The following IRS1 variants were observed in gnomAD, a reference collection of about 807,000 sequenced individuals.
IRS1 encodes the protein insulin receptor substrate 1.
IRS1 carries 34 observed loss-of-function variants against 65.6 expected under a neutral mutation model. The ratio of observed to expected loss-of-function variants is 0.52; its 90% confidence interval spans 0.39 to 0.69. The LOEUF (loss-of-function observed/expected upper bound fraction) is 0.69. IRS1 is among the 30% of genes least tolerant of loss of function. The pLI, the probability that IRS1 is intolerant of heterozygous loss-of-function variation, is 0.00. For missense variants in IRS1, 1,641 were observed against 1,720.2 expected, an observed-to-expected ratio of 0.95 and a Z score of 0.81; for synonymous variants, 699 against 683.5, an observed-to-expected ratio of 1.02 and a Z score of -0.35.
At chr2:226,781,499 G>A (rs892724346) in intron 1 of IRS1, among the ~76,000 whole-genome samples, 4 of 152,252 alleles carry the variant, frequency 2.6e-5, no homozygotes, top group South Asian at 2.1e-4. Context: ...GAATTAGATC[G>A]AATTGGGTGG....
rs574309924 is a variant in IRS1 at position 226,745,024 on chromosome 2, G to GGCA, written c.*22-8777_*22-8775dup. On this transcript the variant is annotated intron_variant, in intron 1 of 1. Transcript: ENST00000305123. Reference sequence around the variant, plus strand: ...GAAACTGATTATAATACAAGTATATGGCAGCATATTTCAAATGTATTTGAC... The same window carrying GGCA: ...GAAACTGATTATAATACAAGTATATGGCAGCAGCATATTTCAAATGTATTTGAC... Among the ~76,000 whole-genome samples the GGCA allele has an allele frequency of 4.6e-5, 7 of 152,126 alleles. No individual in the cohort carries two copies. In the South Asian group the frequency reaches 1.5e-3, roughly 32 times the overall value.
At chr2:226,750,165 C>T (rs1938645703) in intron 1 of IRS1, among the ~76,000 whole-genome samples, 1 of 150,100 alleles carries the variant, frequency 6.7e-6, no homozygotes, top group African/African-American at 2.5e-5. Flanking sequence ...AGGAGAATCA[C>T]TTGAACCCAG....
chr2:226,791,176 C>T (rs1001208230), intron 1 of IRS1, among the ~76,000 whole-genome samples: 18 of 152,152 alleles, frequency 1.2e-4, no homozygotes, highest in Non-Finnish European at 5.9e-5. Context: ...CCCCTCCCCC[C>T]ATGACCCAAA....
At chr2:226,744,094 C>T (rs963341696) in intron 1 of IRS1, among the ~76,000 whole-genome samples, 6 of 152,134 alleles carry the variant, frequency 3.9e-5, no homozygotes, top group African/African-American at 1.4e-4. Context: ...AATCAGGCAC[C>T]AAACAAGCAT....
intron 1 of IRS1, among the ~76,000 whole-genome samples, chr2:226,742,530 A>G (rs141964417): frequency 7.1e-4 from 108 of 152,296 alleles, no homozygotes; most frequent in African/African-American, 2.5e-3. Context: ...AGGGCTGGTG[A>G]AAATAACAAG....
intron 1 of IRS1, among the ~76,000 whole-genome samples, chr2:226,740,363 A>G (rs1465980355): frequency 6.6e-6 from 1 of 152,218 alleles, no homozygotes; most frequent in East Asian, 1.9e-4. Context: ...AAGCATTATC[A>G]AATAAGTCAA....
At chr2:226,753,999 C>T (rs755670508) in intron 1 of IRS1, among the ~76,000 whole-genome samples, 1 of 152,072 alleles carries the variant, frequency 6.6e-6, no homozygotes, top group Non-Finnish European at 1.5e-5. Context: ...ACTACAAGCA[C>T]ATGCCACCAT....
intron 1 of IRS1, among the ~76,000 whole-genome samples, chr2:226,786,763 G>A (rs1939495675): frequency 6.9e-6 from 1 of 143,978 alleles, no homozygotes. Flanking sequence ...GACCCAGCAA[G>A]CTATTATAAA....
In IRS1 at chr2:226,791,131, A is replaced by T. The variant is rs149652228; in HGVS notation, c.*21+3858T>A. Among the ~76,000 whole-genome samples the T allele has an allele frequency of 1.6e-3, 245 of 152,248 alleles. 1 individual carries two copies. The highest frequency in any genetic ancestry group is 5.7e-3 in the African/African-American group (236 of 41,558). On this transcript the variant is annotated intron_variant, in intron 1 of 1. Coordinates refer to ENST00000305123, the MANE Select transcript of IRS1 (RefSeq NM_005544.3). ...GCTCTGGTGCTTTGCAGTAAAGTGT[A>T]TGGAGCCTAGGGCACTTTCAAGCCA...
In IRS1 at chr2:226,797,973, C is replaced by T. The variant is rs1315411808; in HGVS notation, c.766G>A (p.Ala256Thr). The change falls in exon 1 of 2, where the codon GCC becomes ACC. Residue 256 changes from alanine (A) to threonine (T), a missense_variant. Physicochemically the swap from Ala to Thr is moderately conservative, Grantham distance 58. This residue lies in a region of IRS1 where 77 missense variants were observed against 129.6 expected (regional missense o/e 0.59). Coordinates refer to ENST00000305123, the MANE Select transcript of IRS1 (RefSeq NM_005544.3). The surrounding 1 kb of genome is among the most constrained non-coding windows in gnomAD (Gnocchi z 8.1). The stretch of plus-strand genomic sequence containing the variant: ...AACTCATCACTCATGGCCCGCATGG[C>T]CTCCAGGATGGTCTCGTGCATGTTC... ...AQNMHETILE[A>T]MRAMSDEFRP... The T allele has an allele frequency of 1.2e-6, 2 of 1,614,102 alleles. No homozygotes were observed. Among genetic ancestry groups the T allele is most frequent in the Non-Finnish European group, 8.5e-7 (1 of 1,180,018 alleles).
intron 1 of IRS1, among the ~76,000 whole-genome samples, chr2:226,776,284 TCC>T (rs1397921147): frequency 6.6e-6 from 1 of 151,532 alleles, no homozygotes; most frequent in Non-Finnish European, 1.5e-5. Flanking sequence ...CAGCCATGAG[TCC>T]ATACTAATAT....
chr2:226,733,124 G>C lies in IRS1; in HGVS notation c.*3148C>G, dbSNP rs572864828. 6.6e-6 allele frequency: 1 copy of C among 152,190 alleles called. No homozygotes were observed. The highest frequency in any genetic ancestry group is 2.4e-5 in the African/African-American group (1 of 41,536). The allele number at this position is 152,190 out of a possible 1,614,324, so 9.4% of individuals were successfully genotyped here. A position where few individuals can be genotyped will look rare whatever the true frequency, so the allele number is the denominator to read the frequency against. The stretch of plus-strand genomic sequence containing the variant: ...AAAGTTTCCGACTTTGTGGTATATT[G>C]TATTCAAGATGCAAGATTGAATAAA... On this transcript the variant is annotated 3_prime_UTR_variant, in exon 2 of 2. Transcript: ENST00000305123.
Position 226,795,414 on chromosome 2 carries a change from TGG to T in IRS1, c.3323_3324del (p.Pro1108GlnfsTer23). On this transcript the variant is annotated frameshift_variant, in exon 1 of 2. Coordinates refer to ENST00000305123, the MANE Select transcript of IRS1 (RefSeq NM_005544.3). LOFTEE classifies it high-confidence loss of function. ...ACTGTGTTGCCCACCCGGGTGGCACTGGGTGTTGAGGAGAAAGTCTCGGAGCT... is the reference window on the plus strand; with the variant it reads ...ACTGTGTTGCCCACCCGGGTGGCACTGTGTTGAGGAGAAAGTCTCGGAGCT... ...RHSSETFSST[P>X]SATRVGNTVP... 1 of 1,613,490 alleles carries T rather than the reference TGG, an allele frequency of 6.2e-7. No individual in the cohort carries two copies. Among genetic ancestry groups the T allele is most frequent in the Non-Finnish European group, 8.5e-7 (1 of 1,180,006 alleles).
chr2:226,788,627 G>C (rs907594414), intron 1 of IRS1, among the ~76,000 whole-genome samples: 2 of 152,148 alleles, frequency 1.3e-5, no homozygotes, highest in Non-Finnish European at 2.9e-5. Flanking sequence ...AAGAATGGGA[G>C]AGGTACTACC....
chr2:226,798,878 G>GC lies in IRS1; in HGVS notation c.-141dup. ...AAACCCCGACTCTGAAATCCACGCC[G>GC]CCCCCCGCGCCGGGGAGGGGCAGCT... is the stretch of plus-strand genomic sequence containing the variant. On this transcript the variant is annotated 5_prime_UTR_variant, in exon 1 of 2. Transcript: ENST00000305123. This position sits in a 1 kb window ranked among gnomAD's most constrained non-coding sequence, Gnocchi z 9.4. 1.3e-6 allele frequency: 2 copies of GC among 1,519,902 alleles called. No individual in the cohort carries two copies. Among genetic ancestry groups the GC allele is most frequent in the Non-Finnish European group, 1.8e-6 (2 of 1,130,752 alleles). 94.2% of individuals were successfully genotyped at this position (1,519,902 alleles called of 1,614,324 possible). A position where few individuals can be genotyped will look rare whatever the true frequency, so the allele number is the denominator to read the frequency against.
intron 1 of IRS1, among the ~76,000 whole-genome samples, chr2:226,781,561 A>G (rs1939382273): frequency 6.6e-6 from 1 of 152,152 alleles, no homozygotes; most frequent in South Asian, 2.1e-4. Context: ...CCATGAGCCC[A>G]TCTAACTAAT....
chr2:226,797,925 A>T lies in IRS1; in HGVS notation c.814T>A (p.Ser272Thr). The change falls in exon 1 of 2, where the codon TCC (serine) becomes ACC (threonine). Residue 272 changes from serine to threonine, a missense_variant. This residue lies in a region of IRS1 where 1,324 missense variants were observed against 1,361.0 expected (regional missense o/e 0.97). Transcript: ENST00000305123. This position sits in a 1 kb window ranked among gnomAD's most constrained non-coding sequence, Gnocchi z 8.1. ...ATGGGGTTAGAGCAGTTGGACGAGG[A>T]CTGGCTCTTGCTGCGAGGGCGGAAC... ...DEFRPRSKSQ[S>T]SSNCSNPISV... 1 of 1,613,948 alleles carries T rather than the reference A, an allele frequency of 6.2e-7. No homozygotes were observed.
Position 226,795,551 on chromosome 2 carries a change from G to A in IRS1, c.3188C>T (p.Pro1063Leu), listed in dbSNP as rs1166643622. The change falls in exon 1 of 2, where the codon CCA (proline) becomes CTA (leucine). Residue 1063 changes from proline (P) to leucine (L), a missense_variant. Transcript: ENST00000305123. ...GGCGCTCATGCCCCCAGGTCCTTGT[G>A]GGCCCCCCAGCAGGGACGAGTGGGC... The part of the protein sequence containing the change: ...LAAHSSLLGG[P>L]QGPGGMSAFT... The A allele has an allele frequency of 6.2e-7, 1 of 1,613,090 alleles. No individual in the cohort carries two copies.
rs192287054 is a variant in IRS1, at chr2:226,784,611, C to T, written c.*21+10378G>A. ...CTAATTTTTGTATTTTTAGTAGAGA[C>T]GGGGTTTCGCCATGATGGCCAGGCT... is the stretch of plus-strand genomic sequence containing the variant. On this transcript the variant is annotated intron_variant, in intron 1 of 1. Coordinates refer to ENST00000305123, the MANE Select transcript of IRS1 (RefSeq NM_005544.3). 2.8e-3 allele frequency among the ~76,000 whole-genome samples: 432 copies of T among 152,118 alleles called. 1 individual carries two copies. The highest frequency in any genetic ancestry group is 5.4e-3 in the Non-Finnish European group (365 of 67,998).
Sources: allele counts gnomAD v4.1 joint callset (sites outside exome capture counted in the v4.1 genomes callset), GRCh38; gene constraint gnomAD v4.1.1; regional missense constraint gnomAD v4.1.1; non-coding constraint Gnocchi (gnomAD v3.1); transcripts MANE v1.5; gene names NCBI Gene and HGNC (gene_info 2026-07-23, HGNC 2026-07-21).